JMJD1C: variants seen among roughly 807,000 people sequenced by gnomAD.
JMJD1C encodes jumonji domain containing 1C, also known as jumonji domain-containing protein 1C.
In JMJD1C, 31 loss-of-function variants were observed where a neutral mutation model predicts 245.3. The ratio of observed to expected loss-of-function variants is 0.13; its 90% CI spans 0.09 to 0.17. JMJD1C has a LOEUF of 0.17. Among genes scored for constraint, JMJD1C ranks in the 10% least tolerant of loss-of-function variants. The pLI is 1.00. For synonymous variants in JMJD1C, 1,057 were observed against 1,017.4 expected (o/e 1.04, Z -0.74); for missense variants, 2,691 against 3,000.2 (o/e 0.90, Z 2.41).
intron 1 of JMJD1C, among the ~76,000 whole-genome samples, chr10:63,405,233 A>G (rs981878395): frequency 2.4e-4 from 37 of 152,154 alleles, no homozygotes; most frequent in African/African-American, 8.9e-4. Flanking sequence ...AGACCCAAAA[A>G]GATTAAGTGA....
chr10:63,240,910 A>G (rs1305300015), intron 3 of JMJD1C, among the ~76,000 whole-genome samples: 3 of 152,212 alleles, frequency 2.0e-5, no homozygotes, highest in African/African-American at 7.2e-5. Context: ...GGAACAAAAA[A>G]ATACACTGTT....
chr10:63,477,021 CAG>C (rs1458905300), intron 1 of JMJD1C, among the ~76,000 whole-genome samples: 1 of 152,030 alleles, frequency 6.6e-6, no homozygotes, highest in Non-Finnish European at 1.5e-5. Context: ...TTACATGAAA[CAG>C]AAATTGCTAA....
At chr10:63,199,225 T>A (rs1164102217) in intron 11 of JMJD1C, among the ~76,000 whole-genome samples, 1 of 152,148 alleles carries the variant, frequency 6.6e-6, no homozygotes, top group African/African-American at 2.4e-5. Context: ...TCTTAATAGT[T>A]TTATAGGAAC....
At chr10:63,294,882 A>C (rs979791204) in intron 2 of JMJD1C, among the ~76,000 whole-genome samples, 4 of 152,198 alleles carry the variant, frequency 2.6e-5, no homozygotes, top group African/African-American at 9.7e-5. Flanking sequence ...AGGGTCATTA[A>C]GGAAAACACT....
intron 1 of JMJD1C, among the ~76,000 whole-genome samples, chr10:63,492,375 TAAAG>T (rs1429533492): frequency 6.6e-6 from 1 of 152,186 alleles, no homozygotes; most frequent in Admixed American, 6.5e-5. Flanking sequence ...TAAAAGATTA[TAAAG>T]AAATGGCCAG....
chr10:63,228,425 G>C (rs1312372953), intron 3 of JMJD1C, among the ~76,000 whole-genome samples: 1 of 152,124 alleles, frequency 6.6e-6, no homozygotes, highest in Non-Finnish European at 1.5e-5. Flanking sequence ...GCTGAGGTGG[G>C]AGGATCCCTT....
chr10:63,208,471 T>C lies in JMJD1C; in HGVS notation c.3198A>G (p.Gln1066=). The C allele has an allele frequency of 6.2e-7, 1 of 1,613,566 alleles. No individual in the cohort carries two copies. Among genetic ancestry groups the C allele is most frequent in the Non-Finnish European group, 8.5e-7 (1 of 1,179,516 alleles). Reference sequence around the variant, plus strand: ...ATACTGAGCGTTCTACATCCATATCTTGTTTGATGATATGGCTTTTAGGAC... The same window carrying C: ...ATACTGAGCGTTCTACATCCATATCCTGTTTGATGATATGGCTTTTAGGAC... ...SSSPKSHIIK[Q]DMDVERSVSD... is the part of the protein sequence containing the mutation. The change falls in exon 10 of 26, where the codon CAA becomes CAG. Residue 1066 remains glutamine (Q), a synonymous_variant. Coordinates refer to ENST00000399262, the MANE Select transcript of JMJD1C (RefSeq NM_032776.3).
intron 1 of JMJD1C, among the ~76,000 whole-genome samples, chr10:63,396,929 G>GTTTTT (rs1289435997): frequency 1.5e-5 from 2 of 130,134 alleles, no homozygotes; most frequent in East Asian, 2.2e-4. Context: ...CTGGTTTTTG[G>GTTTTT]TTTTTTTTTT....
chr10:63,332,786 T>C (rs992743003), intron 2 of JMJD1C, among the ~76,000 whole-genome samples: 3 of 152,230 alleles, frequency 2.0e-5, no homozygotes, highest in African/African-American at 7.2e-5. Context: ...AAGAATATGC[T>C]AGGTTGAGAG....
At position 63,168,048 on chromosome 10, in the gene JMJD1C, A is replaced by G. The variant is rs1230119535; in HGVS notation, c.7620T>C (p.Asn2540=). 6.4e-7 allele frequency: 1 copy of G among 1,558,132 alleles called. No individual in the cohort carries two copies. The highest frequency in any genetic ancestry group is 1.1e-5 in the South Asian group (1 of 89,842). Reference sequence around the variant, plus strand: ...AAAATATCAAACTGGATCACACTTAATTTTCTTCCATATCCTCTACTTCAT... The same window carrying G: ...AAAATATCAAACTGGATCACACTTAGTTTTCTTCCATATCCTCTACTTCAT... The part of the protein sequence containing the change: ...HEDEVEDMEE[N] The change falls in exon 26 of 26, where the codon AAT becomes AAC. Residue 2540 remains asparagine (N), a synonymous_variant. Transcript: ENST00000399262.
At chr10:63,240,335 A>G (rs968054900) in intron 3 of JMJD1C, among the ~76,000 whole-genome samples, 2 of 152,226 alleles carry the variant, frequency 1.3e-5, no homozygotes, top group African/African-American at 4.8e-5. Context: ...AACATACAGC[A>G]AAGACTGATT....
chr10:63,209,238 A>G lies in JMJD1C; in HGVS notation c.2695-3T>C. 2 of 1,592,266 alleles carry G rather than the reference A, an allele frequency of 1.3e-6. No homozygotes were observed. The highest frequency in any genetic ancestry group is 1.7e-6 in the Non-Finnish European group (2 of 1,171,952). On this transcript the variant is annotated splice_region_variant and splice_polypyrimidine_tract_variant and intron_variant, in intron 8 of 25. Coordinates refer to ENST00000399262, the MANE Select transcript of JMJD1C (RefSeq NM_032776.3). ...TGTAGCCAAGGACTGGGAGAATTCT[A>G]TTAACAAAACAAAACAAAAAAAACA...
chr10:63,475,928 G>A (rs1953647006), intron 1 of JMJD1C, among the ~76,000 whole-genome samples: 1 of 152,138 alleles, frequency 6.6e-6, no homozygotes, highest in Non-Finnish European at 1.5e-5. Context: ...TTGATAATGG[G>A]CTGGTAGCAG....
intron 2 of JMJD1C, among the ~76,000 whole-genome samples, chr10:63,323,893 T>C (rs1426244036): frequency 1.3e-5 from 2 of 152,100 alleles, no homozygotes; most frequent in African/African-American, 4.8e-5. Flanking sequence ...AATCCCATGA[T>C]CTGCAGCCCA....
chr10:63,358,264 A>T (rs549008114), intron 2 of JMJD1C, among the ~76,000 whole-genome samples: 99 of 152,352 alleles, frequency 6.5e-4, no homozygotes, highest in Non-Finnish European at 5.9e-5. Context: ...AGAAATAGGC[A>T]AAACCAGAAA....
At chr10:63,309,617 A>T (rs1277323345) in intron 2 of JMJD1C, among the ~76,000 whole-genome samples, 3 of 151,090 alleles carry the variant, frequency 2.0e-5, no homozygotes, top group African/African-American at 7.3e-5. Context: ...AAACATTTTG[A>T]TTCAAAAATC....
intron 2 of JMJD1C, among the ~76,000 whole-genome samples, chr10:63,308,669 GAATAA>G (rs888004235): frequency 3.1e-5 from 3 of 96,884 alleles, no homozygotes; most frequent in African/African-American, 1.2e-4. Context: ...CCAGAAAGAA[GAATAA>G]AATGAGAGAA....
intron 1 of JMJD1C, among the ~76,000 whole-genome samples, chr10:63,408,403 G>C (rs1949293927): frequency 6.9e-6 from 1 of 144,986 alleles, no homozygotes; most frequent in East Asian, 2.0e-4. Flanking sequence ...AACTGTCTCA[G>C]AAAAAAAAAA....
rs1847626735 is a variant in JMJD1C at position 63,213,621 on chromosome 10, T to C, written c.2546A>G (p.His849Arg). ...HQSPHLLGQA[H>R]PSASYNQLGL... ...AAGCTGATTATATGAAGCAGAAGGA[T>C]GGGCTTGTCCAAGAAGATGAGGTGA... The change falls in exon 8 of 26, where the codon CAT (histidine) becomes CGT (arginine). Residue 849 changes from histidine to arginine, a missense_variant. By Grantham distance (29) the His-to-Arg change is conservative. Coordinates refer to ENST00000399262, the MANE Select transcript of JMJD1C (RefSeq NM_032776.3). The C allele has an allele frequency of 6.2e-7, 1 of 1,614,166 alleles. No individual in the cohort carries two copies. Among genetic ancestry groups the C allele is most frequent in the Non-Finnish European group, 8.5e-7 (1 of 1,180,012 alleles).
Sources: allele counts gnomAD v4.1 joint callset (sites outside exome capture counted in the v4.1 genomes callset), GRCh38; gene constraint gnomAD v4.1.1; transcripts MANE v1.5; gene names NCBI Gene and HGNC (gene_info 2026-07-23, HGNC 2026-07-21).